IMPG2: variants seen among roughly 807,000 people sequenced by gnomAD.
IMPG2 encodes IPM 200.
In IMPG2, 91 loss-of-function variants were observed where a neutral mutation model predicts 129.2. The ratio of observed to expected loss-of-function variants is 0.70; its 90% CI spans 0.59 to 0.84. The LOEUF is 0.84. IMPG2 is among the 40% of genes least tolerant of loss of function. The pLI is 0.00. For missense variants in IMPG2, 1,430 were observed against 1,461.7 expected (o/e 0.98, Z 0.35); for synonymous variants, 510 against 517.7 (o/e 0.99, Z 0.20).
Position 101,282,077 on chromosome 3 carries a change from A to G in IMPG2, c.534-5364T>C, listed in dbSNP as rs1281350271. 2.0e-5 allele frequency among the ~76,000 whole-genome samples: 3 copies of G among 152,224 alleles called. No individual in the cohort carries two copies. The East Asian group carries it at 5.8e-4, about 29-fold the overall frequency. ...GAATCTCTTTACACAGAGAATACAA[A>G]AATAATCTCAAAAAATTTATAAAAA... On this transcript the variant is annotated intron_variant, in intron 4 of 18. Transcript: ENST00000193391.
At position 101,291,401 on chromosome 3, in the gene IMPG2, A is replaced by C. The variant is rs929964248; in HGVS notation, c.533+78T>G. The stretch of plus-strand genomic sequence containing the variant: ...GCAAGAAAATAGAAAGGCACCATTA[A>C]ATTTGGGGTGAGTCTTGAATTAGGC... On this transcript the variant is annotated intron_variant, in intron 4 of 18. Coordinates refer to ENST00000193391, the MANE Select transcript of IMPG2 (RefSeq NM_016247.4). 2.5e-6 allele frequency: 3 copies of C among 1,203,856 alleles called. No homozygotes were observed. In the African/African-American group the frequency reaches 4.5e-5, roughly 18 times the overall value. 74.6% of individuals were successfully genotyped at this position (1,203,856 alleles called of 1,614,324 possible).
rs528108175 is a variant in IMPG2, at chr3:101,256,658, G to C, written c.1153+871C>G. On this transcript the variant is annotated intron_variant, in intron 10 of 18. Transcript: ENST00000193391. The stretch of plus-strand genomic sequence containing the variant: ...ACAGAGGCTCTTTCCTCTTTAAAAT[G>C]TGTGGGAGCTAGAGAGGCTGTAAAA... Among the ~76,000 whole-genome samples the C allele has an allele frequency of 9.2e-5, 14 of 152,204 alleles. No individual in the cohort carries two copies. The South Asian group carries it at 2.9e-3, about 32-fold the overall frequency.
chr3:101,239,015 A>G (rs1272410753), intron 14 of IMPG2, among the ~76,000 whole-genome samples: 2 of 152,216 alleles, frequency 1.3e-5, no homozygotes, highest in African/African-American at 4.8e-5. Context: ...AAATAAAGGG[A>G]TGGAGGAAAA....
intron 5 of IMPG2, among the ~76,000 whole-genome samples, chr3:101,276,376 C>CT (rs111582626): frequency 6.6e-6 from 1 of 152,076 alleles, no homozygotes; most frequent in African/African-American, 2.4e-5. Context: ...TTAGTGGTGG[C>CT]TACAGAGTGT....
At chr3:101,259,466 C>T (rs996504735) in intron 9 of IMPG2, among the ~76,000 whole-genome samples, 1 of 151,250 alleles carries the variant, frequency 6.6e-6, no homozygotes. Context: ...TTGTTTTGTA[C>T]AAAGATTTTG....
At chr3:101,316,302 C>T (rs563909) in intron 2 of IMPG2, among the ~76,000 whole-genome samples, 109,023 of 151,816 alleles carry the variant, frequency 0.72, 40,304 homozygotes, top group East Asian at 0.84. Flanking sequence ...AATACATCAT[C>T]AAGAAAATAG....
chr3:101,308,857 C>T (rs1382266412), intron 2 of IMPG2, among the ~76,000 whole-genome samples: 1 of 152,184 alleles, frequency 6.6e-6, no homozygotes, highest in African/African-American at 2.4e-5. Flanking sequence ...AAACCATATC[C>T]TTGTGAATAT....
At chr3:101,274,144 G>A (rs1706818050) in intron 6 of IMPG2, among the ~76,000 whole-genome samples, 1 of 152,052 alleles carries the variant, frequency 6.6e-6, no homozygotes. Context: ...AGTGAGCCAA[G>A]ATCCACTGCA....
At chr3:101,288,008 T>C (rs1706965986) in intron 4 of IMPG2, among the ~76,000 whole-genome samples, 1 of 152,132 alleles carries the variant, frequency 6.6e-6, no homozygotes, top group Non-Finnish European at 1.5e-5. Flanking sequence ...AAAGGTCTAA[T>C]ATCAAGAATC....
chr3:101,293,800 C>T (rs1707047461), intron 3 of IMPG2, among the ~76,000 whole-genome samples: 1 of 152,208 alleles, frequency 6.6e-6, no homozygotes, highest in African/African-American at 2.4e-5. Context: ...TCAGCACTTG[C>T]TTATGTTATA....
At position 101,223,502 on chromosome 3, in the gene IMPG2, C is replaced by T. The variant is rs1039410358; in HGVS notation, c.*3467G>A. 27 of 152,142 alleles carry T rather than the reference C, an allele frequency of 1.8e-4. No individual in the cohort carries two copies. The highest frequency in any genetic ancestry group is 5.8e-4 in the African/African-American group (24 of 41,508). 9.4% of individuals were successfully genotyped at this position (152,142 alleles called of 1,614,324 possible). ...CAGAGACAGAAAGATGTCAAAGTAC[C>T]CATTGCTGAAAACAGAAATAACATA... On this transcript the variant is annotated 3_prime_UTR_variant, in exon 19 of 19. Coordinates refer to ENST00000193391, the MANE Select transcript of IMPG2 (RefSeq NM_016247.4).
rs1706206444 is a variant in IMPG2, at chr3:101,225,077, T to A, written c.*1892A>T. On this transcript the variant is annotated 3_prime_UTR_variant, in exon 19 of 19. Transcript: ENST00000193391. ...TAATTTGTGATAAAATACACTTTCA[T>A]CTAACACGTAGTATAGGAAAACAGT... 1 of 152,230 alleles carries A rather than the reference T, an allele frequency of 6.6e-6. No individual in the cohort carries two copies. The highest frequency in any genetic ancestry group is 6.5e-5 in the Admixed American group (1 of 15,280). The allele number at this position is 152,230 out of a possible 1,614,324, so 9.4% of individuals were successfully genotyped here. A position where few individuals can be genotyped will look rare whatever the true frequency, so the allele number is the denominator to read the frequency against.
Position 101,276,806 on chromosome 3 carries a change from T to C in IMPG2, c.534-93A>G, listed in dbSNP as rs748235718. Reference sequence around the variant, plus strand: ...GGTTGTTTTCCAAAAAGGAAAGCACTAGATCACCAAGTAAGGGCTCCCAAG... The same window carrying C: ...GGTTGTTTTCCAAAAAGGAAAGCACCAGATCACCAAGTAAGGGCTCCCAAG... On this transcript the variant is annotated intron_variant, in intron 4 of 18. Transcript: ENST00000193391. The C allele has an allele frequency of 7.7e-6, 7 of 908,264 alleles. 1 individual carries two copies. The highest frequency in any genetic ancestry group is 1.2e-5 in the Non-Finnish European group (7 of 562,210). 56.3% of individuals were successfully genotyped at this position (908,264 alleles called of 1,614,324 possible). A position where few individuals can be genotyped will look rare whatever the true frequency, so the allele number is the denominator to read the frequency against.
Position 101,244,538 on chromosome 3 carries a change from T to A in IMPG2, c.1793A>T (p.Asp598Val). Residue 598 changes from aspartate to valine, a missense_variant, in exon 13 of 19, where the codon GAC (aspartate) becomes GTC (valine). Physicochemically the swap from Asp to Val is radical, Grantham distance 152 (BLOSUM62 -3). Coordinates refer to ENST00000193391, the MANE Select transcript of IMPG2 (RefSeq NM_016247.4). ...DASMEKELIFDGGLGSGSGQK... is the reference protein window; with the variant it reads ...DASMEKELIFVGGLGSGSGQK... ...CCCAGACCCTGAACCTAAACCACCGTCAAATATTAACTCTTTTTCCATGGA... is the reference window on the plus strand; with the variant it reads ...CCCAGACCCTGAACCTAAACCACCGACAAATATTAACTCTTTTTCCATGGA... 1 of 1,597,402 alleles carries A rather than the reference T, an allele frequency of 6.3e-7. No homozygotes were observed. The highest frequency in any genetic ancestry group is 1.3e-5 in the African/African-American group (1 of 74,138).
At chr3:101,286,462 A>T (rs1473801066) in intron 4 of IMPG2, among the ~76,000 whole-genome samples, 2 of 152,186 alleles carry the variant, frequency 1.3e-5, no homozygotes, top group African/African-American at 4.8e-5. Context: ...ATAGTGGTCT[A>T]CCATGAAGTC....
At position 101,232,754 on chromosome 3, in the gene IMPG2, A is replaced by G. The variant is rs1706303247; in HGVS notation, c.3233+27T>C. The G allele has an allele frequency of 2.5e-6, 4 of 1,603,396 alleles. No individual in the cohort carries two copies. The Admixed American group carries it at 5.0e-5, about 20-fold the overall frequency. On this transcript the variant is annotated intron_variant, in intron 15 of 18. Transcript: ENST00000193391. ...TTAGAGGAAATATCTATAGCCTCTA[A>G]AGTCAAAATCTGTAACTACAACATA...
intron 11 of IMPG2, among the ~76,000 whole-genome samples, chr3:101,251,337 A>G (rs1292073070): frequency 5.9e-5 from 9 of 152,240 alleles, no homozygotes; most frequent in Non-Finnish European, 1.0e-4. Flanking sequence ...ATAAAATGTG[A>G]AAGTAAACAA....
chr3:101,225,865 T>C lies in IMPG2; in HGVS notation c.*1104A>G, dbSNP rs1706216032. The C allele has an allele frequency of 1.3e-5, 2 of 152,338 alleles. No homozygotes were observed. Among genetic ancestry groups the C allele is most frequent in the Non-Finnish European group, 1.5e-5 (1 of 68,184 alleles). The allele number at this position is 152,338 out of a possible 1,614,324, so 9.4% of individuals were successfully genotyped here. ...TTTCTGTCAAAATTTATATAAGGTATGGACTTCCTATCTGTTCAGTTTTTA... is the reference window on the plus strand; with the variant it reads ...TTTCTGTCAAAATTTATATAAGGTACGGACTTCCTATCTGTTCAGTTTTTA... On this transcript the variant is annotated 3_prime_UTR_variant, in exon 19 of 19. Transcript: ENST00000193391.
intron 14 of IMPG2, among the ~76,000 whole-genome samples, chr3:101,241,479 G>C (rs566241826): frequency 7.9e-5 from 12 of 152,134 alleles, no homozygotes; most frequent in African/African-American, 2.9e-4. Flanking sequence ...AAGAAGATGG[G>C]GACCAGGCCT....
Sources: gnomAD v4.1 joint callset for allele counts (sites outside exome capture counted in the v4.1 genomes callset) on GRCh38, gnomAD v4.1.1 for gene constraint, MANE v1.5 for transcripts, NCBI Gene and HGNC (gene_info 2026-07-23, HGNC 2026-07-21) for gene names.